The following CCNH variants were observed in gnomAD, a reference collection of about 807,000 sequenced individuals.
CCNH encodes the protein cyclin-H.
A neutral mutation model predicts 41.9 loss-of-function variants in CCNH; 31 were observed. The observed-to-expected ratio is 0.74, with a 90% confidence interval of 0.56 to 1.00. The LOEUF is 1.00. Ranked by LOEUF, CCNH falls within the 50% of genes least tolerant of loss-of-function variation. The pLI is 0.00. For synonymous variants in CCNH, 138 were observed against 136.1 expected (o/e 1.01, Z -0.10); for missense variants, 362 against 388.4 (o/e 0.93, Z 0.57).
chr5:87,394,920 C>CA (rs1264162791), intron 8 of CCNH, 124 bp downstream of exon 8: 18 of 1,538,088 alleles, frequency 1.2e-5, no homozygotes, highest in Non-Finnish European at 1.6e-5. Context: ...AGGAAGTATG[C>CA]AAAAAATGAA....
At chr5:87,324,632 T>C (rs1021544190) in intron 9 of CCNH, among the ~76,000 whole-genome samples, 1 of 152,152 alleles carries the variant, frequency 6.6e-6, no homozygotes, top group African/African-American at 2.4e-5. Context: ...CTGAGATAAA[T>C]ACATACACAC....
chr5:87,391,402 T>C, downstream of CCNH: 1 of 251,862 alleles, frequency 4.0e-6, no homozygotes, highest in East Asian at 5.6e-5. Flanking sequence ...AGTTTGTCAT[T>C]ATAATAGGAA....
At chr5:87,353,345 T>C in intron 9 of CCNH, 1 of 873,022 alleles carries the variant, frequency 1.1e-6, no homozygotes, top group Admixed American at 2.2e-5. Context: ...AACTTAAAAC[T>C]ACAGATTATT....
intron 9 of CCNH, chr5:87,353,161 G>T: frequency 6.2e-7 from 1 of 1,607,418 alleles, no homozygotes. Flanking sequence ...TAACAGCATT[G>T]GGGACATCAT....
At chr5:87,400,874 T>C (rs1409371540) in intron 6 of CCNH, among the ~76,000 whole-genome samples, 1 of 152,238 alleles carries the variant, frequency 6.6e-6, no homozygotes, top group Non-Finnish European at 1.5e-5. Context: ...TGGAGAATGC[T>C]GGCTAATCCA....
chr5:87,408,207 G>A, intron 3 of CCNH, 21 bp from the exon 4 acceptor site: 1 of 1,099,730 alleles, frequency 9.1e-7, no homozygotes, highest in Non-Finnish European at 1.3e-6. Flanking sequence ...AAATAAGGAG[G>A]CAGGAGGCAG....
intron 9 of CCNH, chr5:87,370,023 CTT>C (rs1009496656): frequency 1.2e-6 from 1 of 852,156 alleles, no homozygotes; most frequent in Non-Finnish European, 1.9e-6. Flanking sequence ...CTAATCATCT[CTT>C]ATTTTAAGGA....
rs1758326525 is a variant in CCNH at position 87,340,073 on chromosome 5, A to G, written c.*91-21176T>C. 3.3e-5 allele frequency among the ~76,000 whole-genome samples: 5 copies of G among 152,162 alleles called. No homozygotes were observed. In the South Asian group the frequency reaches 1.0e-3, roughly 31 times the overall value. On this transcript the variant is annotated intron_variant and NMD_transcript_variant, in intron 9 of 9. Coordinates refer to the CCNH transcript ENST00000645953. Reference sequence around the variant, plus strand: ...ATTCACTGATGTATTACCATTGCCTAGAATAGTGTCTGGCATTAGTAGGCA... The same window carrying G: ...ATTCACTGATGTATTACCATTGCCTGGAATAGTGTCTGGCATTAGTAGGCA...
At chr5:87,393,990 G>A (rs1276012401), downstream of CCNH, 1 of 152,688 alleles carries the variant, frequency 6.5e-6, no homozygotes. Flanking sequence ...TCAGTACCAT[G>A]TAACAGTTGA....
intron 9 of CCNH, among the ~76,000 whole-genome samples, chr5:87,325,117 A>C (rs1757134336): frequency 6.6e-6 from 1 of 152,078 alleles, no homozygotes; most frequent in African/African-American, 2.4e-5. Flanking sequence ...GCGGAAGGGG[A>C]AGCAAACATG....
downstream of CCNH, chr5:87,374,378 C>T (rs2112485234): frequency 1.3e-6 from 2 of 1,509,404 alleles, no homozygotes; most frequent in Middle Eastern, 1.9e-4. Context: ...GCATTTCTTT[C>T]TGTTTTTTTG....
intron 9 of CCNH, among the ~76,000 whole-genome samples, chr5:87,370,877 C>G (rs1228650968): frequency 6.6e-6 from 1 of 152,070 alleles, no homozygotes; most frequent in Non-Finnish European, 1.5e-5. Flanking sequence ...CAGAATAAAC[C>G]TGAATGAGCT....
downstream of CCNH, among the ~76,000 whole-genome samples, chr5:87,315,522 T>G (rs1003904208): frequency 6.6e-6 from 1 of 152,194 alleles, no homozygotes; most frequent in African/African-American, 2.4e-5. Flanking sequence ...CAAAGGAAAT[T>G]TGGGGGCACA....
Position 87,412,712 on chromosome 5 carries a change from C to T in CCNH, c.83G>A (p.Arg28His), listed in dbSNP as rs2234942. ...GGCCACGGCTTTGCATCTGAATTTG[C>T]GGTTGGCGTCAGCCCGCAGTCTTGC... ...QLARLRADAN[R>H]KFRCKAVANG... Residue 28 changes from arginine (R) to histidine (H), a missense_variant, in exon 1 of 9, where the codon CGC becomes CAC. By Grantham distance (29) the Arg-to-His change is conservative. Transcript: ENST00000256897. 1 of 1,614,066 alleles carries T rather than the reference C, an allele frequency of 6.2e-7. No homozygotes were observed. Among genetic ancestry groups the T allele is most frequent in the East Asian group, 2.2e-5 (1 of 44,882 alleles).
downstream of CCNH, among the ~76,000 whole-genome samples, chr5:87,388,024 C>T (rs1226837773): frequency 6.6e-6 from 1 of 152,200 alleles, no homozygotes; most frequent in Non-Finnish European, 1.5e-5. Context: ...AGACCCACCT[C>T]AATTATTATC....
chr5:87,326,775 T>C (rs1444206003), intron 9 of CCNH, among the ~76,000 whole-genome samples: 1 of 152,122 alleles, frequency 6.6e-6, no homozygotes, highest in East Asian at 1.9e-4. Context: ...AGTTTATTAA[T>C]AGTATGGCAC....
chr5:87,405,796 C>T (rs1763745238), intron 4 of CCNH, among the ~76,000 whole-genome samples: 1 of 152,022 alleles, frequency 6.6e-6, no homozygotes, highest in Admixed American at 6.6e-5. Flanking sequence ...AATTCCCTGC[C>T]CCAATATGCT....
chr5:87,376,919 A>C, exon 1 of CCNH: 1 of 1,610,524 alleles, frequency 6.2e-7, no homozygotes, highest in Non-Finnish European at 8.5e-7. Flanking sequence ...TCTATGCTTT[A>C]TCACATGTAT....
chr5:87,325,631 C>T (rs1450034068), intron 9 of CCNH, among the ~76,000 whole-genome samples: 1 of 152,080 alleles, frequency 6.6e-6, no homozygotes, highest in Non-Finnish European at 1.5e-5. Flanking sequence ...TACTTTGGTG[C>T]CTGTCAGTAA....
Sources: allele counts gnomAD v4.1 joint callset (sites outside exome capture counted in the v4.1 genomes callset), GRCh38; gene constraint gnomAD v4.1.1; transcripts MANE v1.5; gene names NCBI Gene and HGNC (gene_info 2026-07-23, HGNC 2026-07-21).